PITPNC1: variants seen among roughly 807,000 people sequenced by gnomAD.
The protein encoded by PITPNC1 is phosphatidylinositol transfer protein cytoplasmic 1.
PITPNC1 carries 18 observed loss-of-function variants against 44.7 expected under a neutral mutation model. The observed-to-expected ratio is 0.40, with a 90% CI of 0.28 to 0.60. The LOEUF (loss-of-function observed/expected upper bound fraction) is 0.60. Ranked by LOEUF, PITPNC1 falls within the 20% of genes least tolerant of loss-of-function variation. The pLI is 0.39. For missense variants in PITPNC1, 290 were observed against 418.4 expected (o/e 0.69, Z 2.68); for synonymous variants, 141 against 149.6 (o/e 0.94, Z 0.42).
chr17:67,636,622 T>C (rs1175575557), intron 6 of PITPNC1, among the ~76,000 whole-genome samples: 2 of 152,088 alleles, frequency 1.3e-5, no homozygotes, highest in Non-Finnish European at 2.9e-5. Context: ...AATAAAATCT[T>C]AGAAAAAGCA....
At chr17:67,528,750 C>G (rs2040422952) in intron 1 of PITPNC1, among the ~76,000 whole-genome samples, 1 of 152,214 alleles carries the variant, frequency 6.6e-6, no homozygotes, top group Non-Finnish European at 1.5e-5. Flanking sequence ...TCCCCAGAGT[C>G]TGAATGGAGA....
intron 1 of PITPNC1, among the ~76,000 whole-genome samples, chr17:67,382,281 C>T (rs768911465): frequency 7.3e-5 from 11 of 151,414 alleles, no homozygotes; most frequent in Middle Eastern, 6.8e-3. Context: ...CAGCTCTGGG[C>T]GATCAAGAAA....
At chr17:67,559,053 C>T (rs2040874515) in intron 4 of PITPNC1, among the ~76,000 whole-genome samples, 1 of 152,122 alleles carries the variant, frequency 6.6e-6, no homozygotes, top group African/African-American at 2.4e-5. Flanking sequence ...TAGGAATTGC[C>T]CTCACAGTCT....
chr17:67,554,791 G>T (rs952109897), intron 4 of PITPNC1, among the ~76,000 whole-genome samples: 1 of 152,208 alleles, frequency 6.6e-6, no homozygotes, highest in Non-Finnish European at 1.5e-5. Context: ...CGTCAGAAAG[G>T]CTTGGCTGTC....
intron 1 of PITPNC1, among the ~76,000 whole-genome samples, chr17:67,428,029 G>A (rs978010586): frequency 1.3e-5 from 2 of 151,832 alleles, no homozygotes; most frequent in Non-Finnish European, 2.9e-5. Context: ...TGTTGCCCAC[G>A]CTAGAGTGCA....
At chr17:67,481,933 G>A (rs1004202965) in intron 1 of PITPNC1, among the ~76,000 whole-genome samples, 1 of 152,208 alleles carries the variant, frequency 6.6e-6, no homozygotes, top group African/African-American at 2.4e-5. Flanking sequence ...CTAGGGTCAT[G>A]GAATAAGGCT....
chr17:67,684,057 TCTC>T (rs1032453240), intron 8 of PITPNC1, among the ~76,000 whole-genome samples: 2 of 150,872 alleles, frequency 1.3e-5, no homozygotes, highest in Non-Finnish European at 2.9e-5. Flanking sequence ...AAGTCTATCT[TCTC>T]CTTACCAATT....
At chr17:67,424,517 C>A (rs1222374526) in intron 1 of PITPNC1, among the ~76,000 whole-genome samples, 1 of 151,774 alleles carries the variant, frequency 6.6e-6, no homozygotes, top group African/African-American at 2.4e-5. Context: ...ATTAGCTGGG[C>A]GTGGTGGTGG....
chr17:67,614,077 ACT>A (rs72237170), intron 5 of PITPNC1, among the ~76,000 whole-genome samples: 2,917 of 151,368 alleles, frequency 0.019, 87 homozygotes, highest in African/African-American at 0.063. Flanking sequence ...ACAGAACAAG[ACT>A]CTGTCTCAAA....
chr17:67,409,585 T>C (rs1334132250), intron 1 of PITPNC1, among the ~76,000 whole-genome samples: 1 of 151,872 alleles, frequency 6.6e-6, no homozygotes, highest in African/African-American at 2.4e-5. Flanking sequence ...GTTGCCCAGG[T>C]TGGAGTGCAG....
Position 67,631,039 on chromosome 17 carries a change from G to GTGTTGT in PITPNC1, c.367-1093_367-1088dup, listed in dbSNP as rs747376432. Reference sequence around the variant, plus strand: ...ACATTTATATCTATATATTGCGGCTGTGTTGTTGTTGTTGTTATTATTATT... The same window carrying GTGTTGT: ...ACATTTATATCTATATATTGCGGCTGTGTTGTTGTTGTTGTTGTTGTTATTATTATT... On this transcript the variant is annotated intron_variant, in intron 5 of 8. Coordinates refer to ENST00000581322, the MANE Select transcript of PITPNC1 (RefSeq NM_012417.4). Among the ~76,000 whole-genome samples the GTGTTGT allele has an allele frequency of 7.0e-3, 995 of 141,880 alleles. 10 individuals are homozygous for GTGTTGT. Among genetic ancestry groups the GTGTTGT allele is most frequent in the African/African-American group, 0.025 (934 of 37,984 alleles). The allele number at this position is 141,880 out of a possible 152,430, so 93.1% of individuals were successfully genotyped here.
At chr17:67,684,364 C>T (rs757187005) in intron 8 of PITPNC1, among the ~76,000 whole-genome samples, 4 of 151,988 alleles carry the variant, frequency 2.6e-5, no homozygotes, top group Non-Finnish European at 4.4e-5. Context: ...CCGCCCATCT[C>T]GGCCTCCCAA....
chr17:67,381,977 T>C (rs2037967971), intron 1 of PITPNC1, among the ~76,000 whole-genome samples: 1 of 152,162 alleles, frequency 6.6e-6, no homozygotes, highest in African/African-American at 2.4e-5. Flanking sequence ...ATGAATACAT[T>C]GAGATTCAGA....
chr17:67,436,744 T>C (rs1258022650), intron 1 of PITPNC1, among the ~76,000 whole-genome samples: 1 of 151,956 alleles, frequency 6.6e-6, no homozygotes, highest in Non-Finnish European at 1.5e-5. Context: ...TGGATTTGTG[T>C]GGATGGCTGA....
intron 4 of PITPNC1, among the ~76,000 whole-genome samples, chr17:67,565,981 T>C (rs1431250104): frequency 1.3e-5 from 2 of 152,178 alleles, no homozygotes; most frequent in East Asian, 3.8e-4. Flanking sequence ...ACTAGTCTAC[T>C]TTCTTTTTGT....
Position 67,692,661 on chromosome 17 carries a change from A to G in PITPNC1, c.772A>G (p.Ile258Val), listed in dbSNP as rs1325970295. 4 of 1,613,522 alleles carry G rather than the reference A, an allele frequency of 2.5e-6. No individual in the cohort carries two copies. In the African/African-American group the frequency reaches 5.3e-5, roughly 22 times the overall value. The stretch of plus-strand genomic sequence containing the variant: ...CGGCATTTTCCCACCTGCAATTTCT[A>G]TCTCCAGCATCCCCCTGCTGCCTTC... ...KIGIFPPAISISSIPLLPSSV... is the reference protein window; with the variant it reads ...KIGIFPPAISVSSIPLLPSSV... The change falls in exon 9 of 9, where the codon ATC (isoleucine) becomes GTC (valine). Residue 258 changes from isoleucine (I) to valine (V), a missense_variant. Transcript: ENST00000581322.
chr17:67,696,033 A>G lies in PITPNC1; in HGVS notation c.*3145A>G, dbSNP rs1332826726. 1 of 152,228 alleles carries G rather than the reference A, an allele frequency of 6.6e-6. No homozygotes were observed. Among genetic ancestry groups the G allele is most frequent in the African/African-American group, 2.4e-5 (1 of 41,462 alleles). 9.4% of individuals were successfully genotyped at this position (152,228 alleles called of 1,614,324 possible). A position where few individuals can be genotyped will look rare whatever the true frequency, so the allele number is the denominator to read the frequency against. ...AGTTGCCACCGTTGTAACTCAAACA[A>G]TATGGGTTTGTTGGTGAACTGATTT... On this transcript the variant is annotated 3_prime_UTR_variant, in exon 9 of 9. Coordinates refer to ENST00000581322, the MANE Select transcript of PITPNC1 (RefSeq NM_012417.4).
intron 6 of PITPNC1, chr17:67,638,050 A>T (rs1350738161): frequency 6.6e-6 from 1 of 152,216 alleles, no homozygotes; most frequent in Non-Finnish European, 1.5e-5. Context: ...AAAGCTGAGC[A>T]GGTTGGACTG....
intron 1 of PITPNC1, among the ~76,000 whole-genome samples, chr17:67,405,848 C>A (rs1359239222): frequency 6.6e-6 from 1 of 152,112 alleles, no homozygotes; most frequent in Non-Finnish European, 1.5e-5. Context: ...CTCAGGTGAT[C>A]CTCCCGCCTT....
Sources: gnomAD v4.1 joint callset for allele counts (sites outside exome capture counted in the v4.1 genomes callset) on GRCh38, gnomAD v4.1.1 for gene constraint, MANE v1.5 for transcripts, NCBI Gene and HGNC (gene_info 2026-07-23, HGNC 2026-07-21) for gene names.